RARB: variants seen among roughly 807,000 people sequenced by gnomAD.
RARB encodes the protein retinoic acid receptor beta.
A neutral mutation model predicts 51.9 loss-of-function variants in RARB; 17 were observed. That is an observed-to-expected ratio of 0.33 (90% CI 0.22 to 0.49). RARB has a LOEUF of 0.49. RARB is among the 20% of genes least tolerant of loss of function. RARB has a pLI of 0.99. For synonymous variants in RARB, 215 were observed against 195.4 expected (o/e 1.10, Z -0.84); for missense variants, 369 against 550.8 (o/e 0.67, Z 3.30).
chr3:25,128,993 C>T (rs79885851), intron 3 of RARB, among the ~76,000 whole-genome samples: 6,914 of 152,090 alleles, frequency 0.045, 218 homozygotes, highest in Non-Finnish European at 0.071. Context: ...AATTAAAAAA[C>T]ATAGAGTAAG....
intron 2 of RARB, among the ~76,000 whole-genome samples, chr3:25,488,592 G>C (rs1696580354): frequency 6.6e-6 from 1 of 152,172 alleles, no homozygotes; most frequent in Admixed American, 6.5e-5. Flanking sequence ...CTTTTGGAGT[G>C]GGTTATAGCA....
intron 3 of RARB, among the ~76,000 whole-genome samples, chr3:25,088,113 G>A (rs1699134116): frequency 6.6e-6 from 1 of 151,822 alleles, no homozygotes; most frequent in Admixed American, 6.6e-5. Flanking sequence ...TTCACAGTAG[G>A]GATCTAAGGC....
At chr3:25,396,406 C>T (rs370602489) in intron 5 of RARB, among the ~76,000 whole-genome samples, 2 of 152,222 alleles carry the variant, frequency 1.3e-5, no homozygotes, top group African/African-American at 4.8e-5. Context: ...GCAGTGGAAT[C>T]AACTGTTGTT....
Position 25,542,103 on chromosome 3 carries a change from C to T in RARB, c.449-27655C>T, listed in dbSNP as rs750620524. The stretch of plus-strand genomic sequence containing the variant: ...GTTTCACTTTGTGTGCTAATGCTGA[C>T]CAATTAGTAGTGATCAGCTAATGCT... On this transcript the variant is annotated intron_variant, in intron 3 of 7. Coordinates refer to ENST00000330688, the MANE Select transcript of RARB (RefSeq NM_000965.5). Among the ~76,000 whole-genome samples the T allele has an allele frequency of 2.6e-5, 4 of 152,268 alleles. No individual in the cohort carries two copies. The South Asian group carries it at 6.2e-4, about 24-fold the overall frequency.
chr3:24,874,647 A>G (rs1703008514), intron 2 of RARB, among the ~76,000 whole-genome samples: 1 of 150,334 alleles, frequency 6.7e-6, no homozygotes, highest in African/African-American at 2.4e-5. Flanking sequence ...TTCTTTTTCT[A>G]TTTTCTACTT....
At chr3:24,973,758 T>A (rs1335951493) in intron 2 of RARB, among the ~76,000 whole-genome samples, 1 of 152,102 alleles carries the variant, frequency 6.6e-6, no homozygotes, top group East Asian at 1.9e-4. Flanking sequence ...GAGTGTTCAC[T>A]GTTGGCATAT....
intron 2 of RARB, among the ~76,000 whole-genome samples, chr3:25,028,988 C>T (rs1051616979): frequency 2.6e-5 from 4 of 152,204 alleles, no homozygotes; most frequent in Non-Finnish European, 4.4e-5. Context: ...GGAGCCCAGG[C>T]GTGTTCTCAA....
intron 5 of RARB, among the ~76,000 whole-genome samples, chr3:25,344,084 C>T (rs1015226997): frequency 6.6e-6 from 1 of 152,164 alleles, no homozygotes; most frequent in Admixed American, 6.5e-5. Context: ...GCAATGTACT[C>T]CAGAAACTTT....
At chr3:24,997,348 C>T (rs1159604698) in intron 2 of RARB, among the ~76,000 whole-genome samples, 2 of 150,954 alleles carry the variant, frequency 1.3e-5, no homozygotes, top group African/African-American at 2.4e-5. Context: ...ACATGTGTGT[C>T]TTTACAGGTG....
chr3:25,567,132 G>A (rs954315653), intron 3 of RARB, among the ~76,000 whole-genome samples: 1 of 152,158 alleles, frequency 6.6e-6, no homozygotes, highest in African/African-American at 2.4e-5. Context: ...TGGGTTTTTT[G>A]TTGGTGTTGT....
chr3:25,086,340 T>A lies in RARB; in HGVS notation c.-328+26164T>A, dbSNP rs553878739. Among the ~76,000 whole-genome samples, 7 of 152,252 alleles carry A rather than the reference T, an allele frequency of 4.6e-5. 1 individual carries two copies. The South Asian group carries it at 8.3e-4, about 18-fold the overall frequency. On this transcript the variant is annotated intron_variant, in intron 3 of 11. Coordinates refer to the RARB transcript ENST00000383772. Reference sequence around the variant, plus strand: ...AGATGTTCAATACATCTTACAAGATTTCCCATCTTTCTTTGTGTACTGTGT... The same window carrying A: ...AGATGTTCAATACATCTTACAAGATATCCCATCTTTCTTTGTGTACTGTGT...
intron 3 of RARB, among the ~76,000 whole-genome samples, chr3:25,124,221 A>G (rs1699828161): frequency 6.6e-6 from 1 of 152,150 alleles, no homozygotes; most frequent in African/African-American, 2.4e-5. Flanking sequence ...ACAAATAAGA[A>G]AAATTAGCTG....
At chr3:25,301,496 A>G (rs889597606) in intron 5 of RARB, among the ~76,000 whole-genome samples, 1 of 152,152 alleles carries the variant, frequency 6.6e-6, no homozygotes, top group East Asian at 1.9e-4. Flanking sequence ...ATGTTCCTCC[A>G]TTTCTATTTA....
intron 2 of RARB, among the ~76,000 whole-genome samples, chr3:24,900,516 G>A (rs1703581275): frequency 6.6e-6 from 1 of 152,212 alleles, no homozygotes. Context: ...TGTCAAGTAA[G>A]TAAGAACAAA....
At chr3:24,967,487 A>T (rs1575096120) in intron 2 of RARB, among the ~76,000 whole-genome samples, 1 of 152,122 alleles carries the variant, frequency 6.6e-6, no homozygotes, top group Non-Finnish European at 1.5e-5. Flanking sequence ...TTCCCTCTTC[A>T]TCTCTGACAG....
At chr3:25,254,161 G>A (rs945674071) in intron 5 of RARB, among the ~76,000 whole-genome samples, 1 of 152,092 alleles carries the variant, frequency 6.6e-6, no homozygotes, top group African/African-American at 2.4e-5. Flanking sequence ...AACTTCATGA[G>A]ACATGTAATA....
At chr3:25,199,147 A>G (rs1307864980) in intron 5 of RARB, among the ~76,000 whole-genome samples, 1 of 152,116 alleles carries the variant, frequency 6.6e-6, no homozygotes, top group East Asian at 1.9e-4. Flanking sequence ...ATTTGCAACA[A>G]CGTGGATGGA....
chr3:25,069,030 C>T (rs924386851), intron 3 of RARB, among the ~76,000 whole-genome samples: 7 of 150,182 alleles, frequency 4.7e-5, no homozygotes, highest in African/African-American at 1.7e-4. Context: ...AAAAAACACA[C>T]ACACACCTCA....
At chr3:25,045,454 C>T (rs1371235697) in intron 2 of RARB, among the ~76,000 whole-genome samples, 1 of 152,132 alleles carries the variant, frequency 6.6e-6, no homozygotes, top group Non-Finnish European at 1.5e-5. Context: ...TGGCTCCCTT[C>T]CTGACATTCA....
Sources: gnomAD v4.1 joint callset for allele counts (sites outside exome capture counted in the v4.1 genomes callset) on GRCh38, gnomAD v4.1.1 for gene constraint, MANE v1.5 for transcripts, NCBI Gene and HGNC (gene_info 2026-07-23, HGNC 2026-07-21) for gene names.